TMEM132C: variants seen among roughly 807,000 people sequenced by gnomAD.
TMEM132C encodes protein phosphatase 1, regulatory subunit 152.
Under a neutral mutation model 61.4 loss-of-function variants are expected in TMEM132C, and 29 were observed. The ratio of observed to expected loss-of-function variants is 0.47; its 90% CI spans 0.35 to 0.64. The LOEUF (loss-of-function observed/expected upper bound fraction) is 0.64, where lower values mean the gene tolerates loss of function less well. TMEM132C is among the 30% of genes least tolerant of loss of function. The pLI is 0.00. For missense variants in TMEM132C, 1,408 were observed against 1,476.9 expected (o/e 0.95, Z 0.76); for synonymous variants, 656 against 633.1 (o/e 1.04, Z -0.54).
intron 1 of TMEM132C, among the ~76,000 whole-genome samples, chr12:128,335,698 T>G (rs1441164547): frequency 6.6e-6 from 1 of 152,170 alleles, no homozygotes; most frequent in Non-Finnish European, 1.5e-5. Flanking sequence ...ATGAAGCCAG[T>G]ATTAGTTTGT....
intron 1 of TMEM132C, among the ~76,000 whole-genome samples, chr12:128,307,501 A>G (rs576319520): frequency 8.5e-5 from 13 of 152,218 alleles, no homozygotes; most frequent in South Asian, 8.3e-4. Context: ...ACATTTCACA[A>G]TTGTTTTGCA....
intron 1 of TMEM132C, among the ~76,000 whole-genome samples, chr12:128,338,669 T>G (rs1042096572): frequency 1.3e-5 from 2 of 151,668 alleles, no homozygotes; most frequent in African/African-American, 4.9e-5. Flanking sequence ...CTTTCTAAGC[T>G]TTTGGCTGTC....
chr12:128,573,446 C>A (rs2136173990), intron 3 of TMEM132C, among the ~76,000 whole-genome samples: 1 of 150,712 alleles, frequency 6.6e-6, no homozygotes, highest in East Asian at 2.0e-4. Context: ...ACACCGGGGC[C>A]TGTCGTGGGG....
intron 1 of TMEM132C, among the ~76,000 whole-genome samples, chr12:128,341,095 C>T (rs1485379829): frequency 6.6e-6 from 1 of 152,012 alleles, no homozygotes; most frequent in Non-Finnish European, 1.5e-5. Context: ...TACCCACTAC[C>T]AGGACCGGCT....
At chr12:128,436,946 C>A (rs1012450328) in intron 2 of TMEM132C, among the ~76,000 whole-genome samples, 64 of 152,162 alleles carry the variant, frequency 4.2e-4, no homozygotes, top group Non-Finnish European at 8.1e-4. Flanking sequence ...CACATATACA[C>A]CATGGAATAC....
chr12:128,291,724 C>T (rs1214292330), intron 1 of TMEM132C, among the ~76,000 whole-genome samples: 1 of 152,194 alleles, frequency 6.6e-6, no homozygotes, highest in Non-Finnish European at 1.5e-5. Flanking sequence ...TTCCCCTGCT[C>T]ACTTCTGGAT....
At chr12:128,564,440 C>T (rs757553614) in intron 3 of TMEM132C, among the ~76,000 whole-genome samples, 34 of 152,188 alleles carry the variant, frequency 2.2e-4, no homozygotes, top group Non-Finnish European at 4.4e-4. Context: ...CAAACTGTGC[C>T]GCCTGGCCTG....
At chr12:128,651,926 A>G (rs1299920904) in intron 4 of TMEM132C, among the ~76,000 whole-genome samples, 1 of 152,232 alleles carries the variant, frequency 6.6e-6, no homozygotes, top group African/African-American at 2.4e-5. Flanking sequence ...CTCAGATGAA[A>G]ACCAGCGGGA....
chr12:128,693,892 G>A lies in TMEM132C; in HGVS notation c.1513G>A (p.Val505Met). 1.3e-6 allele frequency: 2 copies of A among 1,551,766 alleles called. No homozygotes were observed. Among genetic ancestry groups the A allele is most frequent in the Non-Finnish European group, 1.7e-6 (2 of 1,147,028 alleles). The change falls in exon 6 of 9, where the codon GTG becomes ATG. Residue 505 changes from valine (V) to methionine (M), a missense_variant. Coordinates refer to ENST00000435159, the MANE Select transcript of TMEM132C (RefSeq NM_001136103.3). ...GKEIKGKMDA[V>M]VNFTYQYLSA... is the part of the protein sequence containing the mutation. ...AGAGATCAAAGGAAAGATGGATGCG[G>A]TGGTGAACTTCACATACCAGTACCT...
At chr12:128,404,882 G>A (rs781232743) in intron 1 of TMEM132C, 4 of 152,160 alleles carry the variant, frequency 2.6e-5, no homozygotes, top group Admixed American at 2.6e-4. Flanking sequence ...AGAGTTCTCC[G>A]ATGAACAACC....
At chr12:128,615,191 G>A (rs572512777) in intron 3 of TMEM132C, among the ~76,000 whole-genome samples, 1 of 152,140 alleles carries the variant, frequency 6.6e-6, no homozygotes, top group Admixed American at 6.5e-5. Flanking sequence ...AAGCAGAGGG[G>A]GTTGAAGGTG....
At chr12:128,489,619 A>G (rs1459870369) in intron 2 of TMEM132C, among the ~76,000 whole-genome samples, 1 of 150,324 alleles carries the variant, frequency 6.7e-6, no homozygotes, top group African/African-American at 2.4e-5. Flanking sequence ...GATTGTTTAA[A>G]TCTTTAGGTC....
chr12:128,285,687 C>T (rs142249121), intron 1 of TMEM132C, among the ~76,000 whole-genome samples: 2,117 of 149,626 alleles, frequency 0.014, 86 homozygotes, highest in African/African-American at 0.05. Context: ...CCATCTCTCT[C>T]TCCCCATCTC....
intron 4 of TMEM132C, among the ~76,000 whole-genome samples, chr12:128,631,697 G>A (rs1432257677): frequency 1.3e-5 from 2 of 152,200 alleles, no homozygotes; most frequent in Admixed American, 6.5e-5. Flanking sequence ...CCAGGTGCCT[G>A]AACATTTTTA....
At chr12:128,624,098 A>C (rs970654111) in intron 4 of TMEM132C, among the ~76,000 whole-genome samples, 3 of 152,242 alleles carry the variant, frequency 2.0e-5, no homozygotes, top group African/African-American at 7.2e-5. Flanking sequence ...TCTATCGTTT[A>C]CTTAATATTT....
intron 3 of TMEM132C, among the ~76,000 whole-genome samples, chr12:128,603,472 A>C (rs1461154833): frequency 6.6e-6 from 1 of 152,146 alleles, no homozygotes; most frequent in Non-Finnish European, 1.5e-5. Context: ...CAGCCCTCGA[A>C]AGGACCTGCA....
intron 1 of TMEM132C, among the ~76,000 whole-genome samples, chr12:128,295,914 A>G (rs1871399937): frequency 6.6e-6 from 1 of 151,864 alleles, no homozygotes; most frequent in Non-Finnish European, 1.5e-5. Flanking sequence ...GCCTTTCCTT[A>G]TTACCTTCCA....
In TMEM132C at chr12:128,570,946, A is replaced by G. The variant is rs568699005; in HGVS notation, c.1121+26843A>G. On this transcript the variant is annotated intron_variant, in intron 3 of 8. Coordinates refer to ENST00000435159, the MANE Select transcript of TMEM132C (RefSeq NM_001136103.3). The surrounding 1 kb of genome is among the most constrained non-coding windows in gnomAD (Gnocchi z 4.7). ...ACTATTTTCACTTTGGCACGTTACC[A>G]CCCTGAAAAGATCAGGGCTTTGTTA... 6.6e-6 allele frequency among the ~76,000 whole-genome samples: 1 copy of G among 152,284 alleles called. No homozygotes were observed. Among genetic ancestry groups the G allele is most frequent in the East Asian group, 1.9e-4 (1 of 5,184 alleles).
chr12:128,427,925 T>C (rs1439271819), intron 2 of TMEM132C, among the ~76,000 whole-genome samples: 1 of 152,220 alleles, frequency 6.6e-6, no homozygotes, highest in African/African-American at 2.4e-5. Flanking sequence ...AAAAGCAGAA[T>C]TTGCTAGAAC....
Sources: gnomAD v4.1 joint callset for allele counts (sites outside exome capture counted in the v4.1 genomes callset) on GRCh38, gnomAD v4.1.1 for gene constraint, Gnocchi (gnomAD v3.1) non-coding constraint, MANE v1.5 for transcripts, NCBI Gene and HGNC (gene_info 2026-07-23, HGNC 2026-07-21) for gene names.